The following GPATCH2 variants were observed in gnomAD, a reference collection of about 807,000 sequenced individuals.
GPATCH2 encodes the protein G patch domain-containing protein 2.
A neutral mutation model predicts 58.0 loss-of-function variants in GPATCH2; 51 were observed. The ratio of observed to expected loss-of-function variants is 0.88; its 90% confidence interval spans 0.70 to 1.11. The LOEUF (loss-of-function observed/expected upper bound fraction) is 1.11. Among genes scored for constraint, GPATCH2 ranks in the 50% most tolerant of loss-of-function variants. The pLI, the probability that GPATCH2 is intolerant of heterozygous loss-of-function variation, is 0.00. For missense variants in GPATCH2, 625 were observed against 652.2 expected (o/e 0.96, Z 0.45); for synonymous variants, 222 against 218.5 (o/e 1.02, Z -0.14).
intron 5 of GPATCH2, among the ~76,000 whole-genome samples, chr1:217,584,251 G>A (rs1667215657): frequency 1.3e-5 from 2 of 150,344 alleles, no homozygotes; most frequent in South Asian, 4.2e-4. Flanking sequence ...TAATACTAGT[G>A]GGAGGCCGAG....
rs975545090 is a variant in GPATCH2, at chr1:217,430,837, T to G, written c.*308A>C. ...TGCAGCACTGCACACATACATGAAT[T>G]AAGCAAAGCATCGGAAAGTATTGAC... On this transcript the variant is annotated 3_prime_UTR_variant, in exon 10 of 10. Transcript: ENST00000366935. 2 of 385,656 alleles carry G rather than the reference T, an allele frequency of 5.2e-6. No homozygotes were observed. The highest frequency in any genetic ancestry group is 4.1e-5 in the African/African-American group (2 of 48,886). The allele number at this position is 385,656 out of a possible 1,614,324, so 23.9% of individuals were successfully genotyped here. A position where few individuals can be genotyped will look rare whatever the true frequency, so the allele number is the denominator to read the frequency against.
At chr1:217,542,263 T>C (rs1282345472) in intron 5 of GPATCH2, among the ~76,000 whole-genome samples, 2 of 152,298 alleles carry the variant, frequency 1.3e-5, no homozygotes, top group East Asian at 3.9e-4. Flanking sequence ...CATCCTGATT[T>C]TTTCCACAGG....
chr1:217,519,749 A>G (rs1571849124), intron 5 of GPATCH2, among the ~76,000 whole-genome samples: 1 of 152,224 alleles, frequency 6.6e-6, no homozygotes, highest in African/African-American at 2.4e-5. Flanking sequence ...CTAGCACCTT[A>G]TGCAGCCACT....
chr1:217,524,480 A>G (rs539548672), intron 5 of GPATCH2, among the ~76,000 whole-genome samples: 2 of 151,594 alleles, frequency 1.3e-5, no homozygotes, highest in African/African-American at 4.8e-5. Flanking sequence ...AGAGGCTGCA[A>G]TCTCGGCTCT....
At chr1:217,615,034 A>G (rs1333046837) in intron 2 of GPATCH2, among the ~76,000 whole-genome samples, 2 of 151,980 alleles carry the variant, frequency 1.3e-5, no homozygotes, top group Admixed American at 6.6e-5. Flanking sequence ...AAAAATTCTC[A>G]TGTATTTTAT....
At chr1:217,459,614 A>G (rs1400164396) in intron 8 of GPATCH2, among the ~76,000 whole-genome samples, 1 of 152,182 alleles carries the variant, frequency 6.6e-6, no homozygotes, top group Non-Finnish European at 1.5e-5. Flanking sequence ...ATCTCACATA[A>G]AAAACCTATC....
intron 5 of GPATCH2, among the ~76,000 whole-genome samples, chr1:217,597,113 C>T (rs1667870617): frequency 6.6e-6 from 1 of 151,808 alleles, no homozygotes. Context: ...TCACTTAAGG[C>T]CAGGAGTTCG....
rs1440798595 is a variant in GPATCH2 at position 217,430,449 on chromosome 1, G to A, written c.*696C>T. The A allele has an allele frequency of 6.6e-6, 1 of 152,096 alleles. No individual in the cohort carries two copies. The highest frequency in any genetic ancestry group is 1.5e-5 in the Non-Finnish European group (1 of 68,024). 9.4% of individuals were successfully genotyped at this position (152,096 alleles called of 1,614,324 possible). The stretch of plus-strand genomic sequence containing the variant: ...ATAATTATTTTATGTTCTAAATGAG[G>A]TAAAATTTATAAAATCTGCATTAAA... On this transcript the variant is annotated 3_prime_UTR_variant, in exon 10 of 10. Transcript: ENST00000366935.
intron 9 of GPATCH2, among the ~76,000 whole-genome samples, chr1:217,432,896 C>A (rs1658612212): frequency 6.6e-6 from 1 of 152,198 alleles, no homozygotes. Context: ...CTATACTACA[C>A]TTTCCAAATA....
chr1:217,559,845 A>G (rs1209984438), intron 5 of GPATCH2, among the ~76,000 whole-genome samples: 1 of 151,980 alleles, frequency 6.6e-6, no homozygotes, highest in Non-Finnish European at 1.5e-5. Context: ...AAAGAGAGAC[A>G]GAGATCAAGA....
chr1:217,570,752 G>A lies in GPATCH2; in HGVS notation c.1098+39569C>T, dbSNP rs1313966998. On this transcript the variant is annotated intron_variant, in intron 5 of 9. Transcript: ENST00000366935. ...GATTAATCACTGAGAGCTGGCATAG[G>A]TTCACTAAGAATAAATTCTGGAAAA... 3.9e-5 allele frequency among the ~76,000 whole-genome samples: 6 copies of A among 152,258 alleles called. No individual in the cohort carries two copies. The South Asian group carries it at 8.3e-4, about 21-fold the overall frequency.
chr1:217,542,185 T>C (rs1172511192), intron 5 of GPATCH2, among the ~76,000 whole-genome samples: 1 of 152,226 alleles, frequency 6.6e-6, no homozygotes, highest in Admixed American at 6.5e-5. Flanking sequence ...TGGCTGACAG[T>C]GTCTATTCCT....
intron 5 of GPATCH2, among the ~76,000 whole-genome samples, chr1:217,553,004 T>C (rs1665436212): frequency 6.6e-6 from 1 of 152,118 alleles, no homozygotes. Flanking sequence ...ATTTAAGTGA[T>C]AATAATGGGA....
At chr1:217,534,402 T>A (rs1664363126) in intron 5 of GPATCH2, among the ~76,000 whole-genome samples, 1 of 152,188 alleles carries the variant, frequency 6.6e-6, no homozygotes, top group Non-Finnish European at 1.5e-5. Context: ...AATCTTATTA[T>A]CAACTGGGTA....
chr1:217,530,140 G>A (rs1030347100), intron 5 of GPATCH2, among the ~76,000 whole-genome samples: 2 of 152,126 alleles, frequency 1.3e-5, no homozygotes, highest in African/African-American at 2.4e-5. Flanking sequence ...AATGAAATAT[G>A]CTATCCACCA....
intron 6 of GPATCH2, chr1:217,498,673 T>C (rs1385245025): frequency 1.9e-6 from 1 of 532,338 alleles, no homozygotes; most frequent in Non-Finnish European, 3.3e-6. Context: ...ACTGTATTCA[T>C]TTTATGAATC....
At chr1:217,563,304 A>G (rs1666019591) in intron 5 of GPATCH2, among the ~76,000 whole-genome samples, 1 of 152,206 alleles carries the variant, frequency 6.6e-6, no homozygotes, top group African/African-American at 2.4e-5. Flanking sequence ...ACTACAAAAA[A>G]TAGTTATACT....
At chr1:217,559,316 T>C (rs59471346) in intron 5 of GPATCH2, among the ~76,000 whole-genome samples, 1,839 of 150,864 alleles carry the variant, frequency 0.012, 40 homozygotes, top group African/African-American at 0.042. Flanking sequence ...CATAAACATA[T>C]CACCCCCTGC....
chr1:217,470,312 T>G, intron 8 of GPATCH2, among the ~76,000 whole-genome samples: 1 of 152,218 alleles, frequency 6.6e-6, no homozygotes, highest in Non-Finnish European at 1.5e-5. Flanking sequence ...ATCCTAGAGA[T>G]GAGAGGCTGT....
Sources: allele counts gnomAD v4.1 joint callset (sites outside exome capture counted in the v4.1 genomes callset), GRCh38; gene constraint gnomAD v4.1.1; transcripts MANE v1.5; gene names NCBI Gene and HGNC (gene_info 2026-07-23, HGNC 2026-07-21).